Variants in RPS6KC1 observed in about 807,000 individuals in gnomAD.
RPS6KC1 encodes the protein inactive ribosomal protein S6 kinase delta-1.
A neutral mutation model predicts 103.8 loss-of-function variants in RPS6KC1; 54 were observed. The observed-to-expected ratio is 0.52, with a 90% CI of 0.42 to 0.65. RPS6KC1 has a LOEUF of 0.65. RPS6KC1 is among the 30% of genes least tolerant of loss of function. The pLI, the probability that RPS6KC1 is intolerant of heterozygous loss-of-function variation, is 0.00. For missense variants in RPS6KC1, 1,151 were observed against 1,253.8 expected, an observed-to-expected ratio of 0.92 and a Z score of 1.24; for synonymous variants, 439 against 438.7, an observed-to-expected ratio of 1.00 and a Z score of -0.01.
the RPS6KC1 span, among the ~76,000 whole-genome samples, chr1:213,561,392 C>A: frequency 6.6e-6 from 1 of 152,136 alleles, no homozygotes; most frequent in Non-Finnish European, 1.5e-5. Flanking sequence ...GGTGATATTA[C>A]CTGCTTTGAG....
At chr1:213,513,556 A>C in the RPS6KC1 span, among the ~76,000 whole-genome samples, 1 of 152,198 alleles carries the variant, frequency 6.6e-6, no homozygotes, top group African/African-American at 2.4e-5. Flanking sequence ...GAGAGCACAC[A>C]AACTTTAGCT....
At chr1:213,363,756 TCTC>T in the RPS6KC1 span, among the ~76,000 whole-genome samples, 1,069 of 88,438 alleles carry the variant, frequency 0.012, 94 homozygotes, top group Middle Eastern at 0.045. Context: ...TTTCTCTTTC[TCTC>T]TTCTTTCTTT....
At chr1:213,152,134 C>T (rs2089157804) in intron 6 of RPS6KC1, among the ~76,000 whole-genome samples, 1 of 127,270 alleles carries the variant, frequency 7.9e-6, no homozygotes, top group African/African-American at 3.0e-5. Flanking sequence ...GGCGGCCGGG[C>T]AGAGGCGCCC....
chr1:213,796,533 G>C, the RPS6KC1 span, among the ~76,000 whole-genome samples: 1 of 152,094 alleles, frequency 6.6e-6, no homozygotes, highest in Non-Finnish European at 1.5e-5. Flanking sequence ...AGGGATACTT[G>C]GTTTGTGAAA....
the RPS6KC1 span, among the ~76,000 whole-genome samples, chr1:213,851,190 C>T: frequency 6.6e-6 from 1 of 152,106 alleles, no homozygotes; most frequent in African/African-American, 2.4e-5. Flanking sequence ...GGAGTCCTCC[C>T]TCCACTTTCC....
At chr1:213,689,339 C>T in the RPS6KC1 span, among the ~76,000 whole-genome samples, 1 of 152,350 alleles carries the variant, frequency 6.6e-6, no homozygotes, top group African/African-American at 2.4e-5. Context: ...CTACTCCACC[C>T]CATCCCATGC....
chr1:213,822,589 C>A, the RPS6KC1 span, among the ~76,000 whole-genome samples: 1 of 152,180 alleles, frequency 6.6e-6, no homozygotes, highest in African/African-American at 2.4e-5. Flanking sequence ...ATTGGTATGT[C>A]CAGATCAACC....
At chr1:213,201,069 T>C (rs1479782822) in intron 8 of RPS6KC1, among the ~76,000 whole-genome samples, 1 of 152,188 alleles carries the variant, frequency 6.6e-6, no homozygotes, top group African/African-American at 2.4e-5. Flanking sequence ...CAGACCCCCT[T>C]GACACAAGTT....
the RPS6KC1 span, among the ~76,000 whole-genome samples, chr1:213,847,896 G>A: frequency 6.6e-6 from 1 of 151,904 alleles, no homozygotes; most frequent in South Asian, 2.1e-4. Flanking sequence ...CTGTATTCTG[G>A]ATCCCAAAAA....
At chr1:213,476,711 G>A in the RPS6KC1 span, among the ~76,000 whole-genome samples, 1 of 152,188 alleles carries the variant, frequency 6.6e-6, no homozygotes, top group African/African-American at 2.4e-5. Context: ...GACTTCTATG[G>A]TGTTGGAGAC....
chr1:213,217,750 A>G (rs977708000), intron 8 of RPS6KC1, among the ~76,000 whole-genome samples: 14 of 152,244 alleles, frequency 9.2e-5, no homozygotes, highest in Admixed American at 9.2e-4. Flanking sequence ...TCCAGCATAT[A>G]AACAGAACCA....
chr1:213,609,563 C>G, the RPS6KC1 span, among the ~76,000 whole-genome samples: 1 of 151,938 alleles, frequency 6.6e-6, no homozygotes, highest in Admixed American at 6.6e-5. Flanking sequence ...TGTGCATCCC[C>G]GGAAATGGTT....
At chr1:213,053,928 T>C (rs1157058656) in intron 1 of RPS6KC1, among the ~76,000 whole-genome samples, 1 of 151,988 alleles carries the variant, frequency 6.6e-6, no homozygotes, top group Non-Finnish European at 1.5e-5. Flanking sequence ...CCTCGCCTCC[T>C]GGGTTCAAGT....
chr1:213,325,951 A>C, the RPS6KC1 span, among the ~76,000 whole-genome samples: 7 of 152,198 alleles, frequency 4.6e-5, no homozygotes, highest in African/African-American at 1.4e-4. Context: ...TGCTCTTGTT[A>C]AGGCTGGAGC....
the RPS6KC1 span, among the ~76,000 whole-genome samples, chr1:213,623,905 G>T: frequency 6.6e-6 from 1 of 152,184 alleles, no homozygotes; most frequent in Non-Finnish European, 1.5e-5. Context: ...CCGAGATGTC[G>T]CACTGGGCAG....
At chr1:213,591,577 GGATGGAGTCCCTGT>G in the RPS6KC1 span, among the ~76,000 whole-genome samples, 3 of 152,154 alleles carry the variant, frequency 2.0e-5, no homozygotes, top group Non-Finnish European at 4.4e-5. Context: ...CCCTCACCAG[GGATGGAGTCCCTGT>G]TGCCAGCCTG....
the RPS6KC1 span, among the ~76,000 whole-genome samples, chr1:213,343,809 A>T: frequency 6.6e-6 from 1 of 151,922 alleles, no homozygotes; most frequent in Non-Finnish European, 1.5e-5. Context: ...AATACAAAAT[A>T]AAAAAAATAA....
chr1:213,064,974 C>CTT (rs34664044), intron 1 of RPS6KC1, among the ~76,000 whole-genome samples: 1,127 of 89,706 alleles, frequency 0.013, 40 homozygotes, highest in African/African-American at 0.023. Context: ...CGTGCCCGGC[C>CTT]TTTTTTTTTT....
the RPS6KC1 span, among the ~76,000 whole-genome samples, chr1:213,483,368 G>A: frequency 2.6e-5 from 4 of 152,284 alleles, no homozygotes; most frequent in African/African-American, 9.6e-5. Context: ...ATACGGCTGA[G>A]TATTATTCCT....
Sources: gnomAD v4.1 joint callset for allele counts (sites outside exome capture counted in the v4.1 genomes callset) on GRCh38, gnomAD v4.1.1 for gene constraint, MANE v1.5 for transcripts, NCBI Gene and HGNC (gene_info 2026-07-23, HGNC 2026-07-21) for gene names.